Variants in NRXN1 observed in about 807,000 individuals in gnomAD.
NRXN1 encodes the protein neurexin-1.
A neutral mutation model predicts 150.9 loss-of-function variants in NRXN1; 39 were observed. That is an observed-to-expected ratio of 0.26 (90% CI 0.20 to 0.34). The LOEUF is 0.34. NRXN1 is among the 10% of genes least tolerant of loss of function. NRXN1 has a pLI of 1.00. For missense variants in NRXN1, 1,815 were observed against 1,949.9 expected (o/e 0.93, Z 1.30); for synonymous variants, 924 against 757.0 (o/e 1.22, Z -3.62).
chr2:50,616,578 G>A (rs1435735834), intron 8 of NRXN1: 4 of 151,864 alleles, frequency 2.6e-5, no homozygotes, highest in Non-Finnish European at 4.4e-5. Flanking sequence ...AAATAGAATC[G>A]GCCATTTAAA....
chr2:50,103,501 T>C (rs967605966), intron 18 of NRXN1, among the ~76,000 whole-genome samples: 3 of 151,968 alleles, frequency 2.0e-5, no homozygotes, highest in Non-Finnish European at 4.4e-5. Context: ...AATGCAGTCT[T>C]CCAGGCAGTC....
At position 50,164,738 on chromosome 2, in the gene NRXN1, G is replaced by A. The variant is rs572177719; in HGVS notation, c.3546+72051C>T. On this transcript the variant is annotated intron_variant, in intron 18 of 22. Coordinates refer to ENST00000401669, the MANE Select transcript of NRXN1 (RefSeq NM_001330078.2). ...TAACACACTTTCTAATCTACATAAG[G>A]TGATCTGAGGATCAGAAAAGAGAAA... Among the ~76,000 whole-genome samples, 8 of 152,238 alleles carry A rather than the reference G, an allele frequency of 5.3e-5. No homozygotes were observed. The South Asian group carries it at 1.7e-3, about 32-fold the overall frequency.
intron 17 of NRXN1, among the ~76,000 whole-genome samples, chr2:50,361,944 C>T (rs1226535848): frequency 6.6e-6 from 1 of 152,160 alleles, no homozygotes; most frequent in Non-Finnish European, 1.5e-5. Flanking sequence ...GCTGATTCAG[C>T]ATACACAAAT....
intron 15 of NRXN1, among the ~76,000 whole-genome samples, chr2:50,474,839 C>CCCCCAAAAAAAAAAA (rs1558795095): frequency 9.2e-6 from 1 of 108,850 alleles, no homozygotes; most frequent in Admixed American, 1.1e-4. Context: ...GCCCCCCTAC[C>CCCCCAAAAAAAAAAA]AAAAAAAAAA....
chr2:50,542,055 G>A (rs912224053), intron 9 of NRXN1, among the ~76,000 whole-genome samples: 1 of 152,178 alleles, frequency 6.6e-6, no homozygotes, highest in East Asian at 1.9e-4. Context: ...ACCAAGGCGG[G>A]TGGATCACCT....
intron 21 of NRXN1, among the ~76,000 whole-genome samples, chr2:50,031,301 TA>T (rs1160769619): frequency 6.6e-6 from 1 of 152,124 alleles, no homozygotes; most frequent in East Asian, 1.9e-4. Context: ...TGTGTTTTTT[TA>T]AAAACGTAAC....
At chr2:50,921,378 CT>C (rs1247187940) in intron 5 of NRXN1, among the ~76,000 whole-genome samples, 9 of 151,680 alleles carry the variant, frequency 5.9e-5, no homozygotes, top group Non-Finnish European at 8.8e-5. Context: ...TTAATACTGC[CT>C]TTTTAGGTTA....
chr2:50,958,108 G>T (rs1359656073), intron 2 of NRXN1, among the ~76,000 whole-genome samples: 4 of 151,992 alleles, frequency 2.6e-5, no homozygotes, highest in African/African-American at 4.8e-5. Context: ...GTTTTGTTTC[G>T]CTTTGTTTCT....
intron 5 of NRXN1, among the ~76,000 whole-genome samples, chr2:50,635,490 T>G (rs1198626324): frequency 6.6e-6 from 1 of 151,882 alleles, no homozygotes; most frequent in Non-Finnish European, 1.5e-5. Context: ...ATTCTTCTTG[T>G]CCCCTCTTTC....
intron 18 of NRXN1, among the ~76,000 whole-genome samples, chr2:50,177,746 A>T (rs1001077205): frequency 6.6e-6 from 1 of 151,088 alleles, no homozygotes; most frequent in Non-Finnish European, 1.5e-5. Context: ...AACAAGTAGC[A>T]TTCAATTGTA....
intron 2 of NRXN1, among the ~76,000 whole-genome samples, chr2:50,992,505 G>C (rs941008226): frequency 2.1e-5 from 3 of 145,528 alleles, no homozygotes; most frequent in Admixed American, 6.8e-5. Flanking sequence ...TCCAAAATAG[G>C]TTTAGTGCTT....
intron 5 of NRXN1, among the ~76,000 whole-genome samples, chr2:50,635,548 C>A (rs1379755274): frequency 6.6e-6 from 1 of 152,140 alleles, no homozygotes; most frequent in East Asian, 1.9e-4. Flanking sequence ...ATAGGGCAGG[C>A]CAGCAAGTCT....
At position 50,368,434 on chromosome 2, in the gene NRXN1, A is replaced by C. The variant is rs111864436; in HGVS notation, c.3364+97008T>G. On this transcript the variant is annotated intron_variant, in intron 17 of 22. Coordinates refer to ENST00000401669, the MANE Select transcript of NRXN1 (RefSeq NM_001330078.2). ...AAACCTGGGGATTTTTACTAAACAA[A>C]AATGTAACAGGCAAATTTGATGGAC... 6.6e-4 allele frequency among the ~76,000 whole-genome samples: 100 copies of C among 152,148 alleles called. 2 individuals carry two copies. Among genetic ancestry groups the C allele is most frequent in the African/African-American group, 2.1e-3 (88 of 41,564 alleles).
chr2:49,999,225 A>T (rs1208167855), intron 21 of NRXN1, among the ~76,000 whole-genome samples: 1 of 152,148 alleles, frequency 6.6e-6, no homozygotes, highest in Non-Finnish European at 1.5e-5. Context: ...GTTTTGAGGG[A>T]GTGATTGGCT....
intron 17 of NRXN1, among the ~76,000 whole-genome samples, chr2:50,285,826 G>A (rs1398943261): frequency 1.3e-5 from 2 of 151,070 alleles, no homozygotes; most frequent in African/African-American, 4.9e-5. Context: ...TTCAATAAAC[G>A]GAGTTTCATT....
intron 17 of NRXN1, among the ~76,000 whole-genome samples, chr2:50,245,762 A>C (rs1023628021): frequency 2.6e-5 from 4 of 151,824 alleles, no homozygotes; most frequent in African/African-American, 9.7e-5. Context: ...TAAAAAAAAA[A>C]ATGACATAAA....
intron 5 of NRXN1, among the ~76,000 whole-genome samples, chr2:50,632,067 T>C (rs1413205661): frequency 2.0e-5 from 3 of 151,976 alleles, no homozygotes; most frequent in Admixed American, 6.6e-5. Flanking sequence ...AGGAGATGTA[T>C]AGGTATTTTG....
At chr2:50,940,112 G>A (rs1213187733) in intron 2 of NRXN1, among the ~76,000 whole-genome samples, 1 of 151,994 alleles carries the variant, frequency 6.6e-6, no homozygotes, top group Non-Finnish European at 1.5e-5. Context: ...CGAAATTGTG[G>A]CTAAACTTAA....
chr2:50,525,130 T>C (rs901483642), intron 12 of NRXN1, among the ~76,000 whole-genome samples: 3 of 152,214 alleles, frequency 2.0e-5, no homozygotes, highest in Non-Finnish European at 4.4e-5. Flanking sequence ...CTAAAGTCAT[T>C]TAATACTATG....
Sources: allele counts gnomAD v4.1 joint callset (sites outside exome capture counted in the v4.1 genomes callset), GRCh38; gene constraint gnomAD v4.1.1; transcripts MANE v1.5; gene names NCBI Gene and HGNC (gene_info 2026-07-23, HGNC 2026-07-21).